The following KRT75 variants were observed in gnomAD, a reference collection of about 807,000 sequenced individuals.
KRT75 encodes keratin 75.
In KRT75, 35 loss-of-function variants were observed where a neutral mutation model predicts 48.8. The observed-to-expected ratio is 0.72, with a 90% confidence interval of 0.55 to 0.95. The LOEUF (loss-of-function observed/expected upper bound fraction) is 0.95. Ranked by LOEUF, KRT75 falls within the 40% of genes least tolerant of loss-of-function variation. The pLI, the probability that KRT75 is intolerant of heterozygous loss-of-function variation, is 0.00. For synonymous variants in KRT75, 301 were observed against 282.3 expected (o/e 1.07, Z -0.66); for missense variants, 776 against 709.9 (o/e 1.09, Z -1.06).
intron 5 of KRT75, 92 bp from the exon 6 acceptor site, chr12:52,428,835 G>A (rs965610702): frequency 3.3e-5 from 50 of 1,512,434 alleles, no homozygotes; most frequent in Non-Finnish European, 4.6e-5. Context: ...GCCACAAGCA[G>A]GCTCATTCAT....
Position 52,426,799 on chromosome 12 carries a change from G to A in KRT75, c.1417+18C>T. 2 of 1,613,476 alleles carry A rather than the reference G, an allele frequency of 1.2e-6. No homozygotes were observed. Among genetic ancestry groups the A allele is most frequent in the Non-Finnish European group, 1.7e-6 (2 of 1,179,498 alleles). ...ACCACACACACTCCAAATGGCCCAA[G>A]AAGTATGTCATACTCACAAATGTTA... On this transcript the variant is annotated intron_variant, in intron 8 of 8. Coordinates refer to ENST00000252245, the MANE Select transcript of KRT75 (RefSeq NM_004693.3).
intron 5 of KRT75, 94 bp from the exon 6 acceptor site, chr12:52,428,837 C>G (rs1309533773): frequency 1.3e-6 from 2 of 1,489,866 alleles, no homozygotes; most frequent in Non-Finnish European, 1.9e-6. Context: ...CACAAGCAGG[C>G]TCATTCATTC....
At chr12:52,426,898 A>G in intron 7 of KRT75, 47 bp from the exon 8 acceptor site, 1 of 1,543,144 alleles carries the variant, frequency 6.5e-7, no homozygotes, top group Non-Finnish European at 9.0e-7. Context: ...TGTGGCCAGC[A>G]GCTTAAGGGC....
intron 8 of KRT75, 35 bp from the exon 9 acceptor site, chr12:52,424,790 T>G (rs756890698): frequency 5.2e-6 from 8 of 1,530,628 alleles, no homozygotes; most frequent in Non-Finnish European, 6.3e-6. Flanking sequence ...TCAGATCAAG[T>G]GCAAGCGAGA....
At chr12:52,424,854 G>T in intron 8 of KRT75, 99 bp from the exon 9 acceptor site, 1 of 956,654 alleles carries the variant, frequency 1.0e-6, no homozygotes. Context: ...TGGGGAGGGG[G>T]TGGTCTCGTC....
chr12:52,425,263 T>C (rs1940063294), intron 8 of KRT75, among the ~76,000 whole-genome samples: 1 of 152,152 alleles, frequency 6.6e-6, no homozygotes, highest in Non-Finnish European at 1.5e-5. Context: ...CCCAACCTAT[T>C]CTTCTCCTAA....
chr12:52,426,920 CA>C, intron 7 of KRT75, 69 bp from the exon 8 acceptor site: 1 of 1,303,704 alleles, frequency 7.7e-7, no homozygotes, highest in South Asian at 1.2e-5. Flanking sequence ...TTTGCAATGA[CA>C]CTTTTGTAAT....
rs1435104799 is a variant in KRT75, at chr12:52,424,516, CTT to C, written c.1655_1656del (p.Ter552=). 3 of 1,613,870 alleles carry C rather than the reference CTT, an allele frequency of 1.9e-6. No homozygotes were observed. The highest frequency in any genetic ancestry group is 1.7e-5 in the Admixed American group (1 of 60,026). ...TSSSQKSYTH[*>X] ...AGGGTAGAGGGAGCCATGGGGCTCT[CTT>C]AGTGCGTGTAGCTCTTCTGGCTGGA... On this transcript the variant is annotated frameshift_variant and stop_lost, in exon 9 of 9. Transcript: ENST00000252245. LOFTEE classifies it high-confidence loss of function.
At chr12:52,427,647 G>A (rs1940090740) in intron 7 of KRT75, among the ~76,000 whole-genome samples, 1 of 152,206 alleles carries the variant, frequency 6.6e-6, no homozygotes, top group Non-Finnish European at 1.5e-5. Flanking sequence ...ATTGTTCTAA[G>A]AGCTTTGTGT....
Position 52,431,523 on chromosome 12 carries a change from A to G in KRT75, c.870+20T>C. The G allele has an allele frequency of 6.5e-7, 1 of 1,537,284 alleles. No homozygotes were observed. The highest frequency in any genetic ancestry group is 9.0e-7 in the Non-Finnish European group (1 of 1,109,890). On this transcript the variant is annotated intron_variant, in intron 4 of 8. Transcript: ENST00000252245. ...CAGGCTCCAGACCTAGGAGAGACAG[A>G]AATACTTGCAGACTCTTACTGCATC...
At chr12:52,426,191 C>A (rs907972723) in intron 8 of KRT75, among the ~76,000 whole-genome samples, 18 of 152,222 alleles carry the variant, frequency 1.2e-4, no homozygotes, top group African/African-American at 4.3e-4. Flanking sequence ...ATGACCACTT[C>A]TTCTCTCACC....
chr12:52,428,177 G>A, intron 7 of KRT75, 79 bp downstream of exon 7: 1 of 1,561,224 alleles, frequency 6.4e-7, no homozygotes, highest in South Asian at 1.1e-5. Context: ...GGCTGCAACA[G>A]CCCGAGCCCC....
intron 3 of KRT75, 30 bp from the exon 4 acceptor site, chr12:52,431,668 A>T (rs754015529): frequency 4.1e-6 from 6 of 1,472,910 alleles, no homozygotes; most frequent in Non-Finnish European, 5.7e-6. Flanking sequence ...TGCTCCTTTG[A>T]GTCTGCAGCC....
At chr12:52,426,208 G>T (rs1940074323) in intron 8 of KRT75, among the ~76,000 whole-genome samples, 1 of 152,198 alleles carries the variant, frequency 6.6e-6, no homozygotes, top group Non-Finnish European at 1.5e-5. Flanking sequence ...CACCAGCACA[G>T]GGCCATGCCA....
rs773281817 is a variant in KRT75, at chr12:52,428,755, A to G, written c.1036-12T>C. 11 of 1,613,868 alleles carry G rather than the reference A, an allele frequency of 6.8e-6. No homozygotes were observed. In the South Asian group the frequency reaches 1.1e-4, roughly 16 times the overall value. ...TGCAGCTCCTCGTACTGAGAGAACC[A>G]GAGCAAACCCAGTCACTGAGTCAAA... is the stretch of plus-strand genomic sequence containing the variant. On this transcript the variant is annotated splice_polypyrimidine_tract_variant and intron_variant, in intron 5 of 8. Transcript: ENST00000252245.
At chr12:52,431,660 C>A in intron 3 of KRT75, 22 bp from the exon 4 acceptor site, 1 of 1,534,564 alleles carries the variant, frequency 6.5e-7, no homozygotes, top group Non-Finnish European at 9.0e-7. Flanking sequence ...GCGCAGGATG[C>A]TCCTTTGAGT....
chr12:52,433,082 A>G lies in KRT75; in HGVS notation c.669T>C (p.Ala223=). Residue 223 remains alanine, a synonymous_variant, in exon 2 of 9, where the codon GCT becomes GCC. Coordinates refer to ENST00000252245, the MANE Select transcript of KRT75 (RefSeq NM_004693.3). ...CAACATCCTGCATGTTCCTCAGTTC[A>G]GCTTCAAGCCTGCCCCTCTCGGTGG... ...SITTERGRLE[A]ELRNMQDVVE... 2 of 1,613,050 alleles carry G rather than the reference A, an allele frequency of 1.2e-6. No homozygotes were observed. The highest frequency in any genetic ancestry group is 1.7e-6 in the Non-Finnish European group (2 of 1,179,830).
chr12:52,425,538 T>G (rs1940066205), intron 8 of KRT75, among the ~76,000 whole-genome samples: 1 of 152,220 alleles, frequency 6.6e-6, no homozygotes. Context: ...GACATTCATC[T>G]GAAGCCACAG....
chr12:52,429,032 G>C (rs1189629879), intron 5 of KRT75, among the ~76,000 whole-genome samples: 1 of 152,220 alleles, frequency 6.6e-6, no homozygotes, highest in African/African-American at 2.4e-5. Flanking sequence ...GTGGTGGTCA[G>C]AGAAGTCTCT....
Sources: allele counts gnomAD v4.1 joint callset (sites outside exome capture counted in the v4.1 genomes callset), GRCh38; gene constraint gnomAD v4.1.1; transcripts MANE v1.5; gene names NCBI Gene and HGNC (gene_info 2026-07-23, HGNC 2026-07-21).